SH3BP5: variants seen among roughly 807,000 people sequenced by gnomAD.
SH3BP5 encodes the protein SH3 domain-binding protein 5.
SH3BP5 carries 22 observed loss-of-function variants against 43.3 expected under a neutral mutation model. The observed-to-expected ratio is 0.51, with a 90% CI of 0.36 to 0.73. The LOEUF (loss-of-function observed/expected upper bound fraction) is 0.73. Among genes scored for constraint, SH3BP5 ranks in the 30% least tolerant of loss-of-function variants. The pLI, the probability that SH3BP5 is intolerant of heterozygous loss-of-function variation, is 0.00. For synonymous variants in SH3BP5, 255 were observed against 225.8 expected (o/e 1.13, Z -1.16); for missense variants, 529 against 586.9 (o/e 0.90, Z 1.02).
At chr3:15,319,863 G>A (rs936096483) in intron 2 of SH3BP5, among the ~76,000 whole-genome samples, 7 of 152,116 alleles carry the variant, frequency 4.6e-5, no homozygotes, top group African/African-American at 1.7e-4. Context: ...AACTCCTCAA[G>A]CAAGGACCGC....
chr3:15,336,629 T>C (rs1698703629), upstream of SH3BP5, among the ~76,000 whole-genome samples: 1 of 152,112 alleles, frequency 6.6e-6, no homozygotes. Context: ...GCAGGGACAG[T>C]TGGTGACTGA....
intron 2 of SH3BP5, among the ~76,000 whole-genome samples, chr3:15,326,692 A>G (rs571514774): frequency 6.6e-6 from 1 of 152,324 alleles, no homozygotes; most frequent in South Asian, 2.1e-4. Flanking sequence ...TTCAGTGCCC[A>G]TCCTGTAAAC....
chr3:15,255,147 A>G lies in SH3BP5; in HGVS notation c.*939T>C, dbSNP rs1236436130. ...TAACTACTATTAACAGCCTTTGCCA[A>G]CACATGCCTGCCTACTCCCTTTCCT... On this transcript the variant is annotated 3_prime_UTR_variant, in exon 9 of 9. Transcript: ENST00000383791. 6.6e-6 allele frequency: 1 copy of G among 152,642 alleles called. No homozygotes were observed. The highest frequency in any genetic ancestry group is 1.9e-4 in the East Asian group (1 of 5,204). The allele number at this position is 152,642 out of a possible 1,614,324, so 9.5% of individuals were successfully genotyped here.
At chr3:15,333,270 A>C, upstream of SH3BP5, 2 of 985,484 alleles carry the variant, frequency 2.0e-6, no homozygotes, top group Non-Finnish European at 2.4e-6. Flanking sequence ...GGCCAAACTG[A>C]AGAGGCACGT....
intron 2 of SH3BP5, among the ~76,000 whole-genome samples, chr3:15,326,943 G>T (rs1245407456): frequency 6.6e-6 from 1 of 152,198 alleles, no homozygotes; most frequent in Non-Finnish European, 1.5e-5. Context: ...AATGGAAACT[G>T]AAAAGATTAA....
At chr3:15,275,232 G>A (rs1307795995) in intron 3 of SH3BP5, among the ~76,000 whole-genome samples, 1 of 152,240 alleles carries the variant, frequency 6.6e-6, no homozygotes, top group East Asian at 1.9e-4. Flanking sequence ...GGCCAAGACA[G>A]GAAGCACCAA....
chr3:15,270,521 TAACAC>T (rs1311803313), intron 3 of SH3BP5, among the ~76,000 whole-genome samples: 3 of 152,158 alleles, frequency 2.0e-5, no homozygotes, highest in East Asian at 3.9e-4. Flanking sequence ...CCTAATTAAT[TAACAC>T]AACACGGTCC....
intron 3 of SH3BP5, among the ~76,000 whole-genome samples, chr3:15,286,245 G>A (rs1697262199): frequency 6.6e-6 from 1 of 152,168 alleles, no homozygotes; most frequent in Non-Finnish European, 1.5e-5. Context: ...CTAGTGACAG[G>A]GCCAGGGTAG....
intron 2 of SH3BP5, among the ~76,000 whole-genome samples, chr3:15,312,028 T>C (rs1181320459): frequency 6.6e-6 from 1 of 152,030 alleles, no homozygotes; most frequent in Non-Finnish European, 1.5e-5. Flanking sequence ...CAGAGCGTGG[T>C]CTGGCGAAAC....
chr3:15,268,614 G>T (rs552781549), intron 4 of SH3BP5, among the ~76,000 whole-genome samples: 1 of 152,134 alleles, frequency 6.6e-6, no homozygotes, highest in Non-Finnish European at 1.5e-5. Flanking sequence ...AGCCTGGAAG[G>T]GGGAAGAGGT....
Position 15,254,926 on chromosome 3 carries a change from A to G in SH3BP5, c.*1160T>C, listed in dbSNP as rs1696139312. 1 of 152,228 alleles carries G rather than the reference A, an allele frequency of 6.6e-6. No homozygotes were observed. The highest frequency in any genetic ancestry group is 2.1e-4 in the South Asian group (1 of 4,834). 9.4% of individuals were successfully genotyped at this position (152,228 alleles called of 1,614,324 possible). ...AATAACCTTGTAATTAAGATACTGT[A>G]TCAGTCAAAAAAGAAGTCACTATTG... On this transcript the variant is annotated 3_prime_UTR_variant, in exon 9 of 9. Transcript: ENST00000383791.
At chr3:15,288,534 G>C (rs1697326605) in intron 3 of SH3BP5, among the ~76,000 whole-genome samples, 1 of 152,198 alleles carries the variant, frequency 6.6e-6, no homozygotes, top group Non-Finnish European at 1.5e-5. Flanking sequence ...GAAGTGAGTG[G>C]ATCGCTTCAG....
At chr3:15,285,247 G>A (rs1697232736) in intron 3 of SH3BP5, among the ~76,000 whole-genome samples, 1 of 152,154 alleles carries the variant, frequency 6.6e-6, no homozygotes, top group Non-Finnish European at 1.5e-5. Flanking sequence ...TGTGACTCCT[G>A]CAATTAGATA....
intron 1 of SH3BP5, among the ~76,000 whole-genome samples, chr3:15,331,459 G>T (rs1698607433): frequency 6.6e-6 from 1 of 152,088 alleles, no homozygotes; most frequent in African/African-American, 2.4e-5. Context: ...GAAAAAAAAC[G>T]GGCCTTAGAA....
intron 3 of SH3BP5, among the ~76,000 whole-genome samples, chr3:15,303,293 C>T (rs1021004177): frequency 6.6e-6 from 1 of 152,212 alleles, no homozygotes; most frequent in Non-Finnish European, 1.5e-5. Flanking sequence ...GTTGGTGATT[C>T]ACATTAGCTC....
Position 15,332,360 on chromosome 3 carries a change from G to T in SH3BP5, c.49C>A (p.Leu17Met). The T allele has an allele frequency of 6.5e-7, 1 of 1,541,024 alleles. No homozygotes were observed. Among genetic ancestry groups the T allele is most frequent in the Non-Finnish European group, 8.7e-7 (1 of 1,148,168 alleles). ...RSRSEEPAEI[L>M]PPARDEEEEE... ...TCCTCCTCGTCCCGGGCAGGCGGCA[G>T]GATTTCGGCTGGCTCCTCCGAGCGG... The change falls in exon 1 of 9, where the codon CTG becomes ATG. Residue 17 changes from leucine (L) to methionine (M), a missense_variant. Physicochemically the swap from Leu to Met is conservative, Grantham distance 15. Around this residue, in one of 3 missense-constraint regions of SH3BP5, gnomAD observed 75 missense variants for 61.8 expected, o/e 1.21. Transcript: ENST00000383791.
At chr3:15,272,908 T>C (rs1696857561) in intron 3 of SH3BP5, among the ~76,000 whole-genome samples, 1 of 152,134 alleles carries the variant, frequency 6.6e-6, no homozygotes, top group Non-Finnish European at 1.5e-5. Context: ...AGAACAAGGA[T>C]GCCCACCCTC....
At chr3:15,315,324 G>A (rs1163854688) in intron 2 of SH3BP5, among the ~76,000 whole-genome samples, 1 of 152,114 alleles carries the variant, frequency 6.6e-6, no homozygotes, top group Non-Finnish European at 1.5e-5. Flanking sequence ...AGCTATTTGA[G>A]TGGGTTGTGG....
rs1016280232 is a variant in SH3BP5 at position 15,258,966 on chromosome 3, T to A, written c.754A>T (p.Met252Leu). 3.7e-6 allele frequency: 6 copies of A among 1,614,142 alleles called. No individual in the cohort carries two copies. The highest frequency in any genetic ancestry group is 5.1e-6 in the Non-Finnish European group (6 of 1,179,986). Residue 252 changes from methionine (M) to leucine (L), a missense_variant, in exon 7 of 9, where the codon ATG (methionine) becomes TTG (leucine). Coordinates refer to ENST00000383791, the MANE Select transcript of SH3BP5 (RefSeq NM_004844.5). Reference protein sequence around the residue: ...EYKMALKNLEMISDEIHERRR... With the variant: ...EYKMALKNLELISDEIHERRR... Reference sequence around the variant, plus strand: ...CGCTCGTGGATCTCATCTGAGATCATCTCCAGGTTCTTCAGGGCCATCTTG... The same window carrying A: ...CGCTCGTGGATCTCATCTGAGATCAACTCCAGGTTCTTCAGGGCCATCTTG...
Sources: gnomAD v4.1 joint callset for allele counts (sites outside exome capture counted in the v4.1 genomes callset) on GRCh38, gnomAD v4.1.1 for gene constraint, gnomAD v4.1.1 regional missense constraint, MANE v1.5 for transcripts, NCBI Gene and HGNC (gene_info 2026-07-23, HGNC 2026-07-21) for gene names.